Variants in FARSB observed in about 807,000 individuals in gnomAD.
FARSB encodes the protein phenylalanine--tRNA ligase beta subunit.
FARSB carries 40 observed loss-of-function variants against 69.6 expected under a neutral mutation model. The ratio of observed to expected loss-of-function variants is 0.57; its 90% CI spans 0.45 to 0.75. FARSB has a LOEUF of 0.75. FARSB is among the 30% of genes least tolerant of loss of function. FARSB has a pLI of 0.00. For missense variants in FARSB, 632 were observed against 722.9 expected, an observed-to-expected ratio of 0.87 and a Z score of 1.44; for synonymous variants, 235 against 247.2, an observed-to-expected ratio of 0.95 and a Z score of 0.46.
In FARSB at chr2:222,572,111, T is replaced by C. The variant is rs1574904384; in HGVS notation, c.1619-89A>G. On this transcript the variant is annotated intron_variant, in intron 16 of 16. Coordinates refer to ENST00000281828, the MANE Select transcript of FARSB (RefSeq NM_005687.5). ...ACACTAAAAGCCCACTAGTCTACTTTAAAAATAACTATTCTTTAAATCACT... is the reference window on the plus strand; with the variant it reads ...ACACTAAAAGCCCACTAGTCTACTTCAAAAATAACTATTCTTTAAATCACT... The C allele has an allele frequency of 4.8e-6, 5 of 1,043,942 alleles. No homozygotes were observed. In the South Asian group the frequency reaches 8.2e-5, roughly 17 times the overall value. 64.7% of individuals were successfully genotyped at this position (1,043,942 alleles called of 1,614,324 possible).
intron 16 of FARSB, among the ~76,000 whole-genome samples, chr2:222,589,661 T>G (rs982942775): frequency 1.1e-4 from 17 of 151,894 alleles, no homozygotes; most frequent in African/African-American, 4.1e-4. Flanking sequence ...TTAAACAAAT[T>G]TACAAGAAAA....
chr2:222,589,211 C>T (rs547081249), intron 16 of FARSB, among the ~76,000 whole-genome samples: 1 of 152,240 alleles, frequency 6.6e-6, no homozygotes, highest in South Asian at 2.1e-4. Context: ...TAATACCACA[C>T]ATCTACAACC....
At chr2:222,615,191 G>C (rs1690965947) in intron 14 of FARSB, among the ~76,000 whole-genome samples, 1 of 152,182 alleles carries the variant, frequency 6.6e-6, no homozygotes, top group Admixed American at 6.5e-5. Context: ...GTTACCAGAA[G>C]AGTTTTATAA....
At chr2:222,626,243 C>CAAAAAA (rs36117232) in intron 10 of FARSB, among the ~76,000 whole-genome samples, 20 of 56,888 alleles carry the variant, frequency 3.5e-4, no homozygotes, top group Admixed American at 6.3e-4. Context: ...GACTCCATCT[C>CAAAAAA]AAAAAAAAAA....
chr2:222,589,733 C>T lies in FARSB; in HGVS notation c.1618+10195G>A, dbSNP rs146079348. On this transcript the variant is annotated intron_variant, in intron 16 of 16. Coordinates refer to ENST00000281828, the MANE Select transcript of FARSB (RefSeq NM_005687.5). ...TCAACATGTACTTCTCAAAAGAAGACATTTATGCAGCCAACAGACACATGA... is the reference window on the plus strand; with the variant it reads ...TCAACATGTACTTCTCAAAAGAAGATATTTATGCAGCCAACAGACACATGA... Among the ~76,000 whole-genome samples the T allele has an allele frequency of 4.1e-3, 629 of 152,226 alleles. 6 individuals are homozygous for T. The highest frequency in any genetic ancestry group is 0.014 in the African/African-American group (590 of 41,472).
chr2:222,625,822 G>A (rs1691254267), intron 10 of FARSB, among the ~76,000 whole-genome samples: 1 of 152,162 alleles, frequency 6.6e-6, no homozygotes, highest in African/African-American at 2.4e-5. Context: ...AATTTTAGCT[G>A]AATAACTAGT....
intron 3 of FARSB, among the ~76,000 whole-genome samples, chr2:222,642,598 G>C (rs557135138): frequency 2.4e-4 from 36 of 152,182 alleles, no homozygotes; most frequent in African/African-American, 7.9e-4. Flanking sequence ...TTTTTAAGAC[G>C]CCATAAAAGC....
intron 16 of FARSB, among the ~76,000 whole-genome samples, chr2:222,572,488 C>T (rs1258507633): frequency 6.6e-6 from 1 of 152,186 alleles, no homozygotes; most frequent in Non-Finnish European, 1.5e-5. Context: ...TTGCTCTGTA[C>T]AACTCTTCCT....
chr2:222,642,912 T>G lies in FARSB; in HGVS notation c.208A>C (p.Asn70His), dbSNP rs759171456. ...VVLYKIDVPA[N>H]RYDLLCLEGL... ...TCCAGACACAGGAGATCATATCTAT[T>G]GGCAGGGACGTCAATTTTGTAAAGA... The change falls in exon 3 of 17, where the codon AAT becomes CAT. Residue 70 changes from asparagine to histidine, a missense_variant. Coordinates refer to ENST00000281828, the MANE Select transcript of FARSB (RefSeq NM_005687.5). 4 of 1,613,292 alleles carry G rather than the reference T, an allele frequency of 2.5e-6. No individual in the cohort carries two copies. In the Admixed American group the frequency reaches 6.7e-5, roughly 27 times the overall value.
intron 1 of FARSB, among the ~76,000 whole-genome samples, chr2:222,649,234 T>TAAAAAAAAA (rs71961708): frequency 5.0e-4 from 44 of 88,264 alleles, no homozygotes; most frequent in Non-Finnish European, 5.7e-4. Context: ...CTCAAAAAAT[T>TAAAAAAAAA]AAAAAAAAAA....
intron 5 of FARSB, among the ~76,000 whole-genome samples, chr2:222,635,817 C>T (rs752300075): frequency 4.6e-5 from 7 of 152,176 alleles, no homozygotes; most frequent in Non-Finnish European, 2.9e-5. Flanking sequence ...AGGTGGCTCA[C>T]GCCTGAAATC....
chr2:222,628,720 C>A, intron 10 of FARSB, 117 bp downstream of exon 10: 2 of 695,784 alleles, frequency 2.9e-6, no homozygotes, highest in Non-Finnish European at 2.6e-6. Flanking sequence ...CATAGTGTAG[C>A]GCCTGGCACA....
chr2:222,640,860 A>G lies in FARSB; in HGVS notation c.339+2T>C. On this transcript the variant is annotated splice_donor_variant, in intron 4 of 16. Transcript: ENST00000281828. LOFTEE classifies it high-confidence loss of function. ...AGAAAAATAAGAATTTGTCCTTATT[A>G]CCTCTTCTGTGATAATCAATTTCTG... 1 of 1,498,154 alleles carries G rather than the reference A, an allele frequency of 6.7e-7. No individual in the cohort carries two copies. The highest frequency in any genetic ancestry group is 9.2e-7 in the Non-Finnish European group (1 of 1,087,186). The allele number at this position is 1,498,154 out of a possible 1,614,324, so 92.8% of individuals were successfully genotyped here.
intron 2 of FARSB, among the ~76,000 whole-genome samples, chr2:222,646,704 C>T (rs1327189134): frequency 6.6e-6 from 1 of 152,162 alleles, no homozygotes; most frequent in Non-Finnish European, 1.5e-5. Flanking sequence ...TCCATCTCGT[C>T]ATCTTGTAAT....
In FARSB at chr2:222,631,551, A is replaced by T. The variant is rs1348761746; in HGVS notation, c.786+53T>A. On this transcript the variant is annotated intron_variant, in intron 8 of 16. Coordinates refer to ENST00000281828, the MANE Select transcript of FARSB (RefSeq NM_005687.5). ...TTTAGCCACTTAGTCTTGGTCCGGA[A>T]ATAAAATCTATCCCAGCTGATCATA... 9.2e-6 allele frequency: 9 copies of T among 979,042 alleles called. No homozygotes were observed. In the East Asian group the frequency reaches 2.2e-4, roughly 23 times the overall value. The allele number at this position is 979,042 out of a possible 1,614,324, so 60.6% of individuals were successfully genotyped here. A position where few individuals can be genotyped will look rare whatever the true frequency, so the allele number is the denominator to read the frequency against.
In FARSB at chr2:222,591,839, A is replaced by T. The variant is rs77944990; in HGVS notation, c.1618+8089T>A. Reference sequence around the variant, plus strand: ...TAAATGCCAATGGTTACCAGTAATAACCTTAAAGGCAATAATTTAAAGTGT... The same window carrying T: ...TAAATGCCAATGGTTACCAGTAATATCCTTAAAGGCAATAATTTAAAGTGT... On this transcript the variant is annotated intron_variant, in intron 16 of 16. Transcript: ENST00000281828. 1.2e-4 allele frequency among the ~76,000 whole-genome samples: 19 copies of T among 152,338 alleles called. 1 individual carries two copies. In the East Asian group the frequency reaches 3.7e-3, roughly 29 times the overall value.
At position 222,629,038 on chromosome 2, in the gene FARSB, TTGC is replaced by T. The variant is rs563397797; in HGVS notation, c.849-153_849-151del. The T allele has an allele frequency of 2.0e-4, 123 of 625,118 alleles. No individual in the cohort carries two copies. In the African/African-American group the frequency reaches 2.1e-3, roughly 11 times the overall value. 38.7% of individuals were successfully genotyped at this position (625,118 alleles called of 1,614,324 possible). On this transcript the variant is annotated intron_variant, in intron 9 of 16. Coordinates refer to ENST00000281828, the MANE Select transcript of FARSB (RefSeq NM_005687.5). The stretch of plus-strand genomic sequence containing the variant: ...CATTCCAGCACTGTTTGGATTGATC[TTGC>T]TATAAACAATAATACTCTACTGTTT...
intron 15 of FARSB, among the ~76,000 whole-genome samples, chr2:222,613,149 G>A (rs1690901675): frequency 6.6e-6 from 1 of 152,236 alleles, no homozygotes. Context: ...TAAAAGAAAT[G>A]AGAGACATAG....
chr2:222,619,169 C>T (rs1188403265), intron 14 of FARSB, among the ~76,000 whole-genome samples: 1 of 145,214 alleles, frequency 6.9e-6, no homozygotes, highest in Admixed American at 6.9e-5. Flanking sequence ...AGCCAAGCAT[C>T]GTGGCATGCA....
Sources: gnomAD v4.1 joint callset for allele counts (sites outside exome capture counted in the v4.1 genomes callset) on GRCh38, gnomAD v4.1.1 for gene constraint, MANE v1.5 for transcripts, NCBI Gene and HGNC (gene_info 2026-07-23, HGNC 2026-07-21) for gene names.